The following PCNX2 variants were observed in gnomAD, a reference collection of about 807,000 sequenced individuals.
PCNX2 encodes the protein pecanex-like protein 2.
PCNX2 carries 168 observed loss-of-function variants against 223.8 expected under a neutral mutation model. That is an observed-to-expected ratio of 0.75 (90% CI 0.66 to 0.85). The LOEUF (loss-of-function observed/expected upper bound fraction) is 0.85. PCNX2 is among the 40% of genes least tolerant of loss of function. The probability of loss-of-function intolerance (pLI) is 0.00; values close to 1 mark genes in which losing one functional copy is unlikely to be tolerated. For missense variants in PCNX2, 2,507 were observed against 2,675.5 expected (o/e 0.94, Z 1.39); for synonymous variants, 1,006 against 1,052.6 (o/e 0.96, Z 0.86).
Position 232,990,910 on chromosome 1 carries a change from G to T in PCNX2, c.5792-4370C>A, listed in dbSNP as rs924999857. ...TGCACCCCCAGACGGGCATGTGAAT[G>T]GGGAGGCTCCAGTGCATGCAGGCAG... is the stretch of plus-strand genomic sequence containing the variant. On this transcript the variant is annotated intron_variant, in intron 32 of 33. Transcript: ENST00000258229. The surrounding 1 kb of genome is among the most constrained non-coding windows in gnomAD (Gnocchi z 4.3). Among the ~76,000 whole-genome samples, 8 of 152,230 alleles carry T rather than the reference G, an allele frequency of 5.3e-5. No homozygotes were observed. Among genetic ancestry groups the T allele is most frequent in the Admixed American group, 2.0e-4 (3 of 15,290 alleles).
chr1:233,033,870 C>T (rs1671354428), intron 25 of PCNX2, among the ~76,000 whole-genome samples: 1 of 152,132 alleles, frequency 6.6e-6, no homozygotes, highest in African/African-American at 2.4e-5. Context: ...ATGTTTGTGT[C>T]TCACCCAAAT....
intron 28 of PCNX2, among the ~76,000 whole-genome samples, chr1:233,012,230 T>G (rs1480795787): frequency 3.9e-5 from 6 of 152,166 alleles, no homozygotes; most frequent in Non-Finnish European, 8.8e-5. Context: ...AGACTATTTT[T>G]TTCAAGTCAA....
chr1:233,057,557 A>G (rs1217163428), intron 23 of PCNX2: 1 of 358,090 alleles, frequency 2.8e-6, no homozygotes, highest in Admixed American at 4.3e-5. Flanking sequence ...AATTTGGAGC[A>G]CCAGATCTGC....
intron 20 of PCNX2, 92 bp from the exon 21 acceptor site, chr1:233,135,282 T>C: frequency 2.2e-6 from 3 of 1,347,248 alleles, no homozygotes; most frequent in Non-Finnish European, 3.0e-6. Context: ...GATTGATGGT[T>C]CATTAAGAAC....
intron 21 of PCNX2, among the ~76,000 whole-genome samples, chr1:233,118,079 T>C (rs72764000): frequency 0.13 from 20,283 of 152,058 alleles, 1,464 homozygotes; most frequent in East Asian, 0.21. Context: ...AAGGTTGGTT[T>C]AATTTTCAAA....
intron 23 of PCNX2, among the ~76,000 whole-genome samples, chr1:233,060,275 T>C (rs1341532766): frequency 6.6e-6 from 1 of 152,228 alleles, no homozygotes; most frequent in Non-Finnish European, 1.5e-5. Context: ...CTAAATGGAA[T>C]TTTAATTTCA....
At chr1:233,030,759 T>C (rs1435069883) in intron 25 of PCNX2, among the ~76,000 whole-genome samples, 1 of 152,262 alleles carries the variant, frequency 6.6e-6, no homozygotes, top group Non-Finnish European at 1.5e-5. Flanking sequence ...GCTTCTACAT[T>C]TCTCAGCACT....
At chr1:233,153,301 C>CA (rs977651839) in intron 19 of PCNX2, among the ~76,000 whole-genome samples, 6 of 152,132 alleles carry the variant, frequency 3.9e-5, no homozygotes, top group African/African-American at 1.4e-4. Flanking sequence ...TAAACAAAAA[C>CA]AGAAACTTGC....
At chr1:233,048,641 GAAGA>G (rs920240646) in intron 25 of PCNX2, among the ~76,000 whole-genome samples, 6 of 152,116 alleles carry the variant, frequency 3.9e-5, no homozygotes, top group Non-Finnish European at 8.8e-5. Flanking sequence ...AAAGCTAGCA[GAAGA>G]AAGAACTGAA....
At chr1:233,113,370 G>A (rs914828523) in intron 21 of PCNX2, among the ~76,000 whole-genome samples, 9 of 152,128 alleles carry the variant, frequency 5.9e-5, no homozygotes, top group African/African-American at 2.2e-4. Flanking sequence ...GGAAATCTAA[G>A]TAATCCATAG....
At chr1:233,156,823 C>G (rs1172878505) in intron 19 of PCNX2, among the ~76,000 whole-genome samples, 1 of 152,110 alleles carries the variant, frequency 6.6e-6, no homozygotes, top group Non-Finnish European at 1.5e-5. Context: ...GAGGCTGAGG[C>G]AGGAGAATCA....
chr1:233,175,515 A>G (rs1421411935), intron 17 of PCNX2, among the ~76,000 whole-genome samples: 1 of 152,174 alleles, frequency 6.6e-6, no homozygotes, highest in Non-Finnish European at 1.5e-5. Context: ...TCATGAAATC[A>G]AGGAAGATTG....
intron 1 of PCNX2, among the ~76,000 whole-genome samples, chr1:233,276,650 C>T (rs554232188): frequency 2.0e-5 from 3 of 152,310 alleles, no homozygotes; most frequent in African/African-American, 7.2e-5. Flanking sequence ...AGAGAGCTCG[C>T]GATTTCCCTT....
In PCNX2 at chr1:233,037,285, C is replaced by G. The variant is rs140119311; in HGVS notation, c.4352-11886G>C. On this transcript the variant is annotated intron_variant, in intron 25 of 33. Coordinates refer to ENST00000258229, the MANE Select transcript of PCNX2 (RefSeq NM_014801.4). Reference sequence around the variant, plus strand: ...CTTAGTGGCAACTTCTCCCCTAGTTCCAGTTTCCAGTCCTTCAGCAACACT... The same window carrying G: ...CTTAGTGGCAACTTCTCCCCTAGTTGCAGTTTCCAGTCCTTCAGCAACACT... Among the ~76,000 whole-genome samples, 59 of 152,216 alleles carry G rather than the reference C, an allele frequency of 3.9e-4. No individual in the cohort carries two copies. The East Asian group carries it at 0.01, about 26-fold the overall frequency.
chr1:233,087,189 G>C, intron 23 of PCNX2: 1 of 985,344 alleles, frequency 1.0e-6, no homozygotes. Flanking sequence ...TCTCATTAGA[G>C]ACCTGCACAA....
At chr1:233,149,663 C>T (rs768407512) in intron 19 of PCNX2, among the ~76,000 whole-genome samples, 1 of 152,158 alleles carries the variant, frequency 6.6e-6, no homozygotes, top group Non-Finnish European at 1.5e-5. Context: ...CTAACATGTA[C>T]ACATGTTGTT....
At chr1:233,293,253 G>C (rs1471481467) in intron 1 of PCNX2, among the ~76,000 whole-genome samples, 2 of 152,128 alleles carry the variant, frequency 1.3e-5, no homozygotes, top group East Asian at 1.9e-4. Flanking sequence ...TGGAATTATA[G>C]GTGGAAAATA....
intron 9 of PCNX2, among the ~76,000 whole-genome samples, chr1:233,235,837 G>A: frequency 6.6e-6 from 1 of 151,412 alleles, no homozygotes; most frequent in Non-Finnish European, 1.5e-5. Context: ...CCTGACCTCA[G>A]GTGATCCATC....
At chr1:233,130,545 C>T (rs902994232) in intron 21 of PCNX2, among the ~76,000 whole-genome samples, 5 of 150,928 alleles carry the variant, frequency 3.3e-5, no homozygotes, top group African/African-American at 4.9e-5. Flanking sequence ...AGTGCAGTGG[C>T]GCAATCTCGG....
Sources: gnomAD v4.1 joint callset for allele counts (sites outside exome capture counted in the v4.1 genomes callset) on GRCh38, gnomAD v4.1.1 for gene constraint, Gnocchi (gnomAD v3.1) non-coding constraint, MANE v1.5 for transcripts, NCBI Gene and HGNC (gene_info 2026-07-23, HGNC 2026-07-21) for gene names.